EBF1: variants seen among roughly 807,000 people sequenced by gnomAD.
The protein encoded by EBF1 is transcription factor COE1.
EBF1 carries 10 observed loss-of-function variants against 68.4 expected under a neutral mutation model. The ratio of observed to expected loss-of-function variants is 0.15; its 90% CI spans 0.09 to 0.25. The LOEUF (loss-of-function observed/expected upper bound fraction) is 0.25, where lower values mean the gene tolerates loss of function less well. Ranked by LOEUF, EBF1 falls within the 10% of genes least tolerant of loss-of-function variation. EBF1 has a pLI of 1.00. For synonymous variants in EBF1, 298 were observed against 299.8 expected, an observed-to-expected ratio of 0.99 and a Z score of 0.06; for missense variants, 509 against 794.4, an observed-to-expected ratio of 0.64 and a Z score of 4.32.
intron 6 of EBF1, among the ~76,000 whole-genome samples, chr5:158,993,687 TA>T (rs1341650248): frequency 1.3e-5 from 2 of 152,292 alleles, no homozygotes; most frequent in Non-Finnish European, 2.9e-5. Context: ...GCTCCAAATG[TA>T]AAATGACATA....
chr5:159,040,241 C>T (rs1038758379), intron 6 of EBF1, among the ~76,000 whole-genome samples: 4 of 152,086 alleles, frequency 2.6e-5, no homozygotes, highest in African/African-American at 9.7e-5. Context: ...CTCTCTCTGT[C>T]GCTGAGTGAG....
intron 10 of EBF1, among the ~76,000 whole-genome samples, chr5:158,772,695 C>A (rs1039073960): frequency 1.3e-5 from 2 of 152,028 alleles, no homozygotes. Context: ...CTAAAAATCC[C>A]AAAAGACATT....
chr5:158,977,820 T>A (rs1212882666), intron 6 of EBF1, among the ~76,000 whole-genome samples: 16 of 152,064 alleles, frequency 1.1e-4, no homozygotes, highest in Non-Finnish European at 2.4e-4. Context: ...GGTTCTTAAA[T>A]AAACAGGGTA....
chr5:158,815,714 A>T lies in EBF1; in HGVS notation c.778+7462T>A, dbSNP rs144948688. Among the ~76,000 whole-genome samples the T allele has an allele frequency of 2.2e-3, 338 of 152,266 alleles. 4 individuals are homozygous for T. Among genetic ancestry groups the T allele is most frequent in the African/African-American group, 8.0e-3 (331 of 41,550 alleles). ...ACCCTTCAGTCTGTCTGATGCTGAG[A>T]TCCTGCTGGCTACCATATCCCCAGT... is the stretch of plus-strand genomic sequence containing the variant. On this transcript the variant is annotated intron_variant, in intron 8 of 15. Coordinates refer to ENST00000313708, the MANE Select transcript of EBF1 (RefSeq NM_024007.5).
At chr5:158,741,160 A>G (rs1766300903) in intron 10 of EBF1, among the ~76,000 whole-genome samples, 1 of 152,244 alleles carries the variant, frequency 6.6e-6, no homozygotes, top group South Asian at 2.1e-4. Flanking sequence ...CACACCTCAG[A>G]ATCAGACTAA....
At chr5:158,856,584 C>T (rs1425292138) in intron 6 of EBF1, among the ~76,000 whole-genome samples, 1 of 147,992 alleles carries the variant, frequency 6.8e-6, no homozygotes, top group East Asian at 1.9e-4. Flanking sequence ...AAGTGCTAGG[C>T]TTTAGAAAAA....
At chr5:158,938,122 T>G (rs573068449) in intron 6 of EBF1, among the ~76,000 whole-genome samples, 2 of 152,260 alleles carry the variant, frequency 1.3e-5, no homozygotes, top group African/African-American at 4.8e-5. Flanking sequence ...GTTTTGTTCT[T>G]GTTTTGTTTG....
intron 6 of EBF1, among the ~76,000 whole-genome samples, chr5:159,024,077 G>T (rs1465055404): frequency 6.6e-6 from 1 of 152,106 alleles, no homozygotes; most frequent in Non-Finnish European, 1.5e-5. Context: ...CTAAGAAAGG[G>T]AAAGCCCATA....
At chr5:158,764,914 T>G (rs1183107321) in intron 10 of EBF1, among the ~76,000 whole-genome samples, 1 of 152,148 alleles carries the variant, frequency 6.6e-6, no homozygotes, top group African/African-American at 2.4e-5. Context: ...TACACCTCAT[T>G]TTTACACCTG....
intron 10 of EBF1, among the ~76,000 whole-genome samples, chr5:158,751,231 C>T (rs1214062087): frequency 2.0e-5 from 3 of 152,044 alleles, no homozygotes; most frequent in African/African-American, 7.2e-5. Context: ...CTGTTTTTCT[C>T]TAAATTTTCT....
intron 6 of EBF1, among the ~76,000 whole-genome samples, chr5:159,011,284 G>A (rs1227136344): frequency 6.6e-6 from 1 of 152,262 alleles, no homozygotes; most frequent in East Asian, 1.9e-4. Context: ...AGCTCCGCCA[G>A]ATGTGAAGGG....
At chr5:158,940,612 AGTTCTTGGAAC>A (rs1368434845) in intron 6 of EBF1, among the ~76,000 whole-genome samples, 3 of 152,132 alleles carry the variant, frequency 2.0e-5, no homozygotes, top group Non-Finnish European at 2.9e-5. Context: ...TGGCTGCTGT[AGTTCTTGGAAC>A]GTTCTTGGAA....
intron 6 of EBF1, among the ~76,000 whole-genome samples, chr5:158,843,584 C>T (rs965676747): frequency 3.3e-5 from 5 of 152,192 alleles, no homozygotes; most frequent in African/African-American, 9.7e-5. Flanking sequence ...GACCATCTGT[C>T]GTGGGGAAGA....
At chr5:158,837,075 T>G (rs1788975426) in intron 7 of EBF1, among the ~76,000 whole-genome samples, 1 of 152,222 alleles carries the variant, frequency 6.6e-6, no homozygotes, top group Non-Finnish European at 1.5e-5. Context: ...TTGTCAGCGG[T>G]TATCAGATAT....
chr5:158,981,695 G>C (rs1212553354), intron 6 of EBF1, among the ~76,000 whole-genome samples: 1 of 151,992 alleles, frequency 6.6e-6, no homozygotes, highest in Admixed American at 6.5e-5. Context: ...TATTTTTAAA[G>C]GTTTTATGTT....
intron 7 of EBF1, among the ~76,000 whole-genome samples, chr5:158,830,709 C>A (rs1787371837): frequency 6.6e-6 from 1 of 152,198 alleles, no homozygotes; most frequent in Non-Finnish European, 1.5e-5. Context: ...GCAGTTAGGT[C>A]TTCATTAACT....
chr5:158,786,371 C>T (rs1777447905), intron 9 of EBF1, among the ~76,000 whole-genome samples: 1 of 152,144 alleles, frequency 6.6e-6, no homozygotes, highest in South Asian at 2.1e-4. Flanking sequence ...CATTATGCTT[C>T]CACTACCTCT....
chr5:159,069,686 T>C (rs778961717), intron 6 of EBF1, among the ~76,000 whole-genome samples: 154 of 152,162 alleles, frequency 1.0e-3, no homozygotes, highest in Non-Finnish European at 2.0e-3. Context: ...GACTACCCTA[T>C]GTGACTTTTG....
intron 6 of EBF1, among the ~76,000 whole-genome samples, chr5:158,969,229 G>C (rs1754807825): frequency 6.6e-6 from 1 of 152,150 alleles, no homozygotes; most frequent in Non-Finnish European, 1.5e-5. Flanking sequence ...TTGAACCTGG[G>C]GGGCAGAGGT....
Sources: allele counts gnomAD v4.1 joint callset (sites outside exome capture counted in the v4.1 genomes callset), GRCh38; gene constraint gnomAD v4.1.1; transcripts MANE v1.5; gene names NCBI Gene and HGNC (gene_info 2026-07-23, HGNC 2026-07-21).